PIP: variants seen among roughly 807,000 people sequenced by gnomAD.
The protein encoded by PIP is prolactin induced protein, also known as prolactin-inducible protein.
A neutral mutation model predicts 12.8 loss-of-function variants in PIP; 9 were observed. The ratio of observed to expected loss-of-function variants is 0.70; its 90% confidence interval spans 0.42 to 1.23. The LOEUF is 1.23. Among genes scored for constraint, PIP ranks in the 50% most tolerant of loss-of-function variants. The pLI, the probability that PIP is intolerant of heterozygous loss-of-function variation, is 0.00. For missense variants in PIP, 172 were observed against 179.5 expected, an observed-to-expected ratio of 0.96 and a Z score of 0.24; for synonymous variants, 60 against 66.1, an observed-to-expected ratio of 0.91 and a Z score of 0.45.
At chr7:143,134,226 ATATAT>A (rs1799278708) in intron 1 of PIP, among the ~76,000 whole-genome samples, 7 of 99,212 alleles carry the variant, frequency 7.1e-5, no homozygotes, top group Admixed American at 2.0e-4. Context: ...ATATATATAT[ATATAT>A]ATACCACAGT....
intron 1 of PIP, 69 bp from the exon 2 acceptor site, chr7:143,135,125 C>T: frequency 2.5e-6 from 2 of 787,380 alleles, no homozygotes; most frequent in South Asian, 3.0e-5. Flanking sequence ...TTGCCCTGTT[C>T]ATGGCTCCCC....
chr7:143,135,011 G>A (rs184946011), intron 1 of PIP, among the ~76,000 whole-genome samples, 183 bp from the exon 2 acceptor site: 5 of 152,150 alleles, frequency 3.3e-5, no homozygotes, highest in African/African-American at 1.2e-4. Flanking sequence ...TTAAATCTGT[G>A]TGAAGTTACC....
At chr7:143,135,380 T>G (rs950396317) in intron 2 of PIP, 81 bp downstream of exon 2, 1 of 677,866 alleles carries the variant, frequency 1.5e-6, no homozygotes, top group Non-Finnish European at 2.7e-6. Context: ...CTCACTTTAA[T>G]AATGTACAGT....
intron 3 of PIP, 65 bp downstream of exon 3, chr7:143,139,254 C>T (rs1799342468): frequency 1.0e-6 from 1 of 989,524 alleles, no homozygotes; most frequent in African/African-American, 1.6e-5. Flanking sequence ...AAACTATAAA[C>T]AGAAACATGG....
At chr7:143,138,296 G>A (rs560435470) in intron 2 of PIP, among the ~76,000 whole-genome samples, 1 of 152,116 alleles carries the variant, frequency 6.6e-6, no homozygotes, top group South Asian at 2.1e-4. Context: ...TCAATTAGAG[G>A]TTAGTAATAA....
At chr7:143,137,409 A>C (rs536041975) in intron 2 of PIP, among the ~76,000 whole-genome samples, 1 of 152,254 alleles carries the variant, frequency 6.6e-6, no homozygotes, top group Admixed American at 6.5e-5. Context: ...AAAATATAGA[A>C]GAGTTGAATT....
At chr7:143,133,921 G>A (rs967955416) in intron 1 of PIP, among the ~76,000 whole-genome samples, 5 of 151,016 alleles carry the variant, frequency 3.3e-5, no homozygotes, top group Non-Finnish European at 7.4e-5. Flanking sequence ...CCCATCACCC[G>A]AGCAGTATAC....
intron 1 of PIP, among the ~76,000 whole-genome samples, chr7:143,134,216 AT>A (rs1463402582): frequency 2.4e-4 from 29 of 123,396 alleles, no homozygotes; most frequent in African/African-American, 6.2e-4. Context: ...ATATATATAT[AT>A]ATATATATAT....
At chr7:143,138,142 T>C (rs1477056071) in intron 2 of PIP, among the ~76,000 whole-genome samples, 2 of 152,058 alleles carry the variant, frequency 1.3e-5, no homozygotes, top group East Asian at 3.9e-4. Context: ...ACATTCAAGG[T>C]AGTACATTCA....
chr7:143,139,399 A>T, intron 3 of PIP, 119 bp from the exon 4 acceptor site: 1 of 1,331,256 alleles, frequency 7.5e-7, no homozygotes, highest in African/African-American at 1.5e-5. Context: ...GATACAGGAG[A>T]CAAATTTGCA....
chr7:143,135,674 A>C (rs1409416361), intron 2 of PIP, among the ~76,000 whole-genome samples: 1 of 152,046 alleles, frequency 6.6e-6, no homozygotes. Flanking sequence ...CAGCAACTCC[A>C]CACCATAGGT....
intron 1 of PIP, among the ~76,000 whole-genome samples, chr7:143,134,228 ATATATACC>A (rs1563015878): frequency 6.7e-5 from 6 of 90,000 alleles, no homozygotes; most frequent in African/African-American, 1.3e-4. Flanking sequence ...ATATATATAT[ATATATACC>A]ACAGTTTCTT....
chr7:143,132,281 C>T, intron 1 of PIP, 70 bp downstream of exon 1: 4 of 1,542,734 alleles, frequency 2.6e-6, no homozygotes, highest in Non-Finnish European at 3.6e-6. Flanking sequence ...CTGGAAATTA[C>T]ATATCTCTTT....
At position 143,139,630 on chromosome 7, in the gene PIP, A is replaced by T; in HGVS notation, c.429A>T (p.Leu143=). 7 of 1,610,938 alleles carry T rather than the reference A, an allele frequency of 4.3e-6. 1 individual carries two copies. Among genetic ancestry groups the T allele is most frequent in the Non-Finnish European group, 5.9e-6 (7 of 1,177,342 alleles). The change falls in exon 4 of 4, where the codon CTA becomes CTT. Residue 143 remains leucine (L), a synonymous_variant. Transcript: ENST00000291009. ...KNNRFYTIEI[L]KVE is the part of the protein sequence containing the mutation. ...ACCGGTTTTATACTATTGAAATCCT[A>T]AAGGTAGAATAATGGAAGCCCTGTC...
chr7:143,132,246 T>A (rs145384141), intron 1 of PIP, 35 bp downstream of exon 1: 2 of 1,606,468 alleles, frequency 1.2e-6, no homozygotes, highest in Non-Finnish European at 1.7e-6. Flanking sequence ...ACAAAAAAAA[T>A]TGCAGGGAGG....
At chr7:143,134,179 C>T (rs1349519998) in intron 1 of PIP, among the ~76,000 whole-genome samples, 7 of 90,868 alleles carry the variant, frequency 7.7e-5, no homozygotes, top group Admixed American at 1.6e-4. Flanking sequence ...TAGTAGTATT[C>T]CATCATATAT....
Position 143,138,758 on chromosome 7 carries a change from G to A in PIP, c.202-317G>A, listed in dbSNP as rs74741668. ...GGTCGATTCCTGAAACCTCTGGCTGGTGACTAAGGCAAGCCTGCTCCTCAG... is the reference window on the plus strand; with the variant it reads ...GGTCGATTCCTGAAACCTCTGGCTGATGACTAAGGCAAGCCTGCTCCTCAG... On this transcript the variant is annotated intron_variant, in intron 2 of 3. Coordinates refer to ENST00000291009, the MANE Select transcript of PIP (RefSeq NM_002652.3). Among the ~76,000 whole-genome samples, 824 of 152,246 alleles carry A rather than the reference G, an allele frequency of 5.4e-3. 8 individuals carry two copies. Among genetic ancestry groups the A allele is most frequent in the African/African-American group, 0.019 (782 of 41,570 alleles).
chr7:143,135,073 T>A (rs1025932225), intron 1 of PIP, 121 bp from the exon 2 acceptor site: 1 of 551,238 alleles, frequency 1.8e-6, no homozygotes, highest in Non-Finnish European at 3.4e-6. Context: ...GAACAATTGA[T>A]CCAAGCCCCA....
At chr7:143,133,414 T>A (rs1799264637) in intron 1 of PIP, among the ~76,000 whole-genome samples, 1 of 151,968 alleles carries the variant, frequency 6.6e-6, no homozygotes, top group South Asian at 2.1e-4. Context: ...AAATAGAATC[T>A]CTCTAAGATG....
Sources: gnomAD v4.1 joint callset for allele counts (sites outside exome capture counted in the v4.1 genomes callset) on GRCh38, gnomAD v4.1.1 for gene constraint, MANE v1.5 for transcripts, NCBI Gene and HGNC (gene_info 2026-07-23, HGNC 2026-07-21) for gene names.